ADAMTSL1: variants seen among roughly 807,000 people sequenced by gnomAD.
ADAMTSL1 encodes the protein ADAMTS-like protein 1.
ADAMTSL1 carries 126 observed loss-of-function variants against 201.8 expected under a neutral mutation model. That is an observed-to-expected ratio of 0.62 (90% CI 0.54 to 0.72). The LOEUF is 0.72. Among genes scored for constraint, ADAMTSL1 ranks in the 30% least tolerant of loss-of-function variants. ADAMTSL1 has a pLI of 0.00. For missense variants in ADAMTSL1, 2,679 were observed against 2,277.8 expected (o/e 1.18, Z -3.59); for synonymous variants, 1,121 against 903.4 (o/e 1.24, Z -4.32).
intron 3 of ADAMTSL1, among the ~76,000 whole-genome samples, chr9:18,570,708 T>G (rs1235687933): frequency 1.3e-5 from 2 of 152,196 alleles, no homozygotes; most frequent in African/African-American, 4.8e-5. Context: ...ACTCAAACAC[T>G]AAAAAGGTTC....
intron 4 of ADAMTSL1, among the ~76,000 whole-genome samples, chr9:18,578,470 AT>A (rs1239651873): frequency 6.6e-6 from 1 of 151,998 alleles, no homozygotes; most frequent in Non-Finnish European, 1.5e-5. Flanking sequence ...TAGGGAGGCA[AT>A]TTGTCATTGT....
chr9:18,656,423 A>C (rs1436102389), intron 7 of ADAMTSL1, among the ~76,000 whole-genome samples: 2 of 152,002 alleles, frequency 1.3e-5, no homozygotes, highest in Non-Finnish European at 2.9e-5. Context: ...CGAGGTCAGG[A>C]GATCGACCAT....
intron 13 of ADAMTSL1, among the ~76,000 whole-genome samples, chr9:18,696,146 G>T (rs1831535075): frequency 6.6e-6 from 1 of 152,192 alleles, no homozygotes; most frequent in Non-Finnish European, 1.5e-5. Context: ...CAATATTGGG[G>T]ATTACAATTC....
chr9:18,173,392 C>T (rs1358413580), intron 2 of ADAMTSL1, among the ~76,000 whole-genome samples: 3 of 152,022 alleles, frequency 2.0e-5, no homozygotes, highest in Non-Finnish European at 4.4e-5. Flanking sequence ...ATGAACTGTG[C>T]CTCTAGTAAA....
chr9:18,726,655 A>G (rs1459014871), intron 15 of ADAMTSL1, among the ~76,000 whole-genome samples: 3 of 152,208 alleles, frequency 2.0e-5, no homozygotes, highest in Non-Finnish European at 4.4e-5. Context: ...TAGCCTGGCC[A>G]GTGTGTGTTG....
In ADAMTSL1 at chr9:18,113,446, A is replaced by C. The variant is rs554447237; in HGVS notation, c.88-50416A>C. Among the ~76,000 whole-genome samples the C allele has an allele frequency of 5.3e-5, 8 of 152,314 alleles. No homozygotes were observed. In the East Asian group the frequency reaches 1.5e-3, roughly 29 times the overall value. ...TAGCAAGATTGACGGTGAGATGTAC[A>C]GATGAGGCAGAAGAAAGTCAAGGTC... On this transcript the variant is annotated intron_variant, in intron 1 of 29. Coordinates refer to the ADAMTSL1 transcript ENST00000680146.
intron 1 of ADAMTSL1, among the ~76,000 whole-genome samples, chr9:17,999,643 G>T (rs1174736871): frequency 1.3e-5 from 2 of 149,292 alleles, no homozygotes; most frequent in African/African-American, 2.5e-5. Flanking sequence ...TAGGGTACAT[G>T]TGCCCATTGT....
At chr9:18,625,360 A>G (rs1826299068) in intron 5 of ADAMTSL1, among the ~76,000 whole-genome samples, 1 of 152,152 alleles carries the variant, frequency 6.6e-6, no homozygotes, top group East Asian at 1.9e-4. Context: ...AGAATGTGCC[A>G]GAAGGATAAA....
At chr9:18,471,040 T>C (rs991070990), upstream of ADAMTSL1, among the ~76,000 whole-genome samples, 1 of 152,198 alleles carries the variant, frequency 6.6e-6, no homozygotes, top group Non-Finnish European at 1.5e-5. Flanking sequence ...CCGGTTGCCA[T>C]TAATATGGAT....
chr9:18,299,527 A>T (rs1255986096), intron 2 of ADAMTSL1, among the ~76,000 whole-genome samples: 2 of 152,172 alleles, frequency 1.3e-5, no homozygotes, highest in African/African-American at 4.8e-5. Context: ...GAGAAGAGAG[A>T]TCTCAGGGAG....
At chr9:18,128,605 C>G (rs1042713295) in intron 1 of ADAMTSL1, among the ~76,000 whole-genome samples, 1 of 152,160 alleles carries the variant, frequency 6.6e-6, no homozygotes, top group African/African-American at 2.4e-5. Flanking sequence ...GCCACAGTGC[C>G]TGGCCCGACA....
rs533896517 is a variant in ADAMTSL1, at chr9:18,097,914, G to C, written c.88-65948G>C. 2.0e-5 allele frequency among the ~76,000 whole-genome samples: 3 copies of C among 151,314 alleles called. No individual in the cohort carries two copies. In the East Asian group the frequency reaches 5.8e-4, roughly 29 times the overall value. The stretch of plus-strand genomic sequence containing the variant: ...AGAAATCTTTGCATTCTCCCAAAAT[G>C]GTGAGGATTTTTTCCTATGCTTTTT... On this transcript the variant is annotated intron_variant, in intron 1 of 29. Transcript: ENST00000680146.
At chr9:18,907,498 G>A (rs1255250082) in intron 28 of ADAMTSL1, 1 of 152,420 alleles carries the variant, frequency 6.6e-6, no homozygotes, top group Admixed American at 6.5e-5. Context: ...TTGGGAAGGA[G>A]TTTATTTTTT....
chr9:18,369,294 T>C (rs976371039), intron 2 of ADAMTSL1, among the ~76,000 whole-genome samples: 5 of 152,236 alleles, frequency 3.3e-5, no homozygotes, highest in African/African-American at 1.2e-4. Flanking sequence ...AATCTTAGTT[T>C]TCTTGTCTGT....
chr9:18,126,399 C>T (rs941325830), intron 1 of ADAMTSL1, among the ~76,000 whole-genome samples: 3 of 152,152 alleles, frequency 2.0e-5, no homozygotes, highest in African/African-American at 7.2e-5. Context: ...TCCCGGAAGT[C>T]CTCCTTTATC....
At chr9:18,058,423 A>G (rs1403465848) in intron 1 of ADAMTSL1, among the ~76,000 whole-genome samples, 2 of 152,206 alleles carry the variant, frequency 1.3e-5, no homozygotes, top group East Asian at 3.8e-4. Context: ...CTTTGTCCTA[A>G]TCATAAGATT....
At chr9:18,421,602 C>T (rs1818952470) in intron 2 of ADAMTSL1, among the ~76,000 whole-genome samples, 1 of 152,212 alleles carries the variant, frequency 6.6e-6, no homozygotes, top group Non-Finnish European at 1.5e-5. Context: ...CTCTCCTGCT[C>T]AACAGGTCCC....
chr9:18,482,705 G>A (rs941366604), intron 1 of ADAMTSL1, among the ~76,000 whole-genome samples: 1 of 152,192 alleles, frequency 6.6e-6, no homozygotes, highest in Non-Finnish European at 1.5e-5. Flanking sequence ...TTTGCTGGCT[G>A]TAATCTCAGT....
At chr9:18,753,218 T>G (rs1254003118) in intron 15 of ADAMTSL1, 80 bp from the exon 16 acceptor site, 2 of 1,409,718 alleles carry the variant, frequency 1.4e-6, no homozygotes, top group Non-Finnish European at 2.0e-6. Context: ...TTAGGGGTTT[T>G]AACTCCATTT....
Sources: gnomAD v4.1 joint callset for allele counts (sites outside exome capture counted in the v4.1 genomes callset) on GRCh38, gnomAD v4.1.1 for gene constraint, MANE v1.5 for transcripts, NCBI Gene and HGNC (gene_info 2026-07-23, HGNC 2026-07-21) for gene names.